Variants in ULK4 observed in about 807,000 individuals in gnomAD.
ULK4 encodes the protein inactive serine/threonine-protein kinase ULK4.
A neutral mutation model predicts 160.6 loss-of-function variants in ULK4; 133 were observed. The observed-to-expected ratio is 0.83, with a 90% CI of 0.72 to 0.96. The LOEUF (loss-of-function observed/expected upper bound fraction) is 0.96. ULK4 is among the 40% of genes least tolerant of loss of function. The pLI, the probability that ULK4 is intolerant of heterozygous loss-of-function variation, is 0.00. For synonymous variants in ULK4, 534 were observed against 539.8 expected (o/e 0.99, Z 0.15); for missense variants, 1,580 against 1,499.5 (o/e 1.05, Z -0.89).
intron 30 of ULK4, among the ~76,000 whole-genome samples, chr3:41,632,239 C>T (rs2033776369): frequency 2.0e-5 from 3 of 152,066 alleles, no homozygotes; most frequent in Non-Finnish European, 2.9e-5. Flanking sequence ...AAGGCAAGTC[C>T]CTAAGAGGAC....
intron 32 of ULK4, among the ~76,000 whole-genome samples, chr3:41,506,751 C>G (rs1383752231): frequency 6.0e-5 from 1 of 16,570 alleles, no homozygotes; most frequent in African/African-American, 1.3e-4. Flanking sequence ...AAGCAATACA[C>G]TGGAGTGTGA....
chr3:41,613,333 A>G (rs1254717661), intron 31 of ULK4, among the ~76,000 whole-genome samples: 1 of 152,194 alleles, frequency 6.6e-6, no homozygotes, highest in Admixed American at 6.5e-5. Context: ...TTATTGAAAG[A>G]GCTCTTTTAG....
chr3:41,397,163 A>G (rs1283093062), intron 35 of ULK4, among the ~76,000 whole-genome samples: 2 of 152,118 alleles, frequency 1.3e-5, no homozygotes, highest in Non-Finnish European at 2.9e-5. Flanking sequence ...CTTCAACACT[A>G]GCTACTGTAA....
At chr3:41,567,830 A>G (rs2087837040) in intron 31 of ULK4, among the ~76,000 whole-genome samples, 1 of 152,156 alleles carries the variant, frequency 6.6e-6, no homozygotes, top group Admixed American at 6.5e-5. Context: ...TGATTTTAAT[A>G]AGCTTTTCTT....
At chr3:41,506,976 G>A (rs1412819324) in intron 32 of ULK4, among the ~76,000 whole-genome samples, 3 of 149,474 alleles carry the variant, frequency 2.0e-5, no homozygotes, top group African/African-American at 7.4e-5. Context: ...ATGAGTTTCT[G>A]TAAAATTTCA....
intron 7 of ULK4, among the ~76,000 whole-genome samples, chr3:41,917,860 A>G (rs1699024058): frequency 6.6e-6 from 1 of 151,970 alleles, no homozygotes; most frequent in South Asian, 2.1e-4. Flanking sequence ...CGTGGTGGGC[A>G]CCTGTAGTCC....
At chr3:41,516,891 T>A (rs990373280) in intron 32 of ULK4, among the ~76,000 whole-genome samples, 4 of 152,194 alleles carry the variant, frequency 2.6e-5, no homozygotes, top group Non-Finnish European at 5.9e-5. Flanking sequence ...CTCCATGTTG[T>A]GCTTATTTCA....
chr3:41,864,228 A>C (rs2042566710), intron 17 of ULK4, among the ~76,000 whole-genome samples: 2 of 152,014 alleles, frequency 1.3e-5, no homozygotes, highest in Admixed American at 1.3e-4. Context: ...CTAACAGGAC[A>C]CCACTGAGTT....
At chr3:41,688,034 C>G (rs2036155986) in intron 27 of ULK4, 1 of 152,304 alleles carries the variant, frequency 6.6e-6, no homozygotes, top group South Asian at 2.1e-4. Flanking sequence ...AAGTTAACAT[C>G]TACTTGCCTT....
At chr3:41,739,450 C>T (rs2038167192) in intron 22 of ULK4, among the ~76,000 whole-genome samples, 1 of 151,866 alleles carries the variant, frequency 6.6e-6, no homozygotes, top group Admixed American at 6.6e-5. Context: ...GAACATCCTC[C>T]CAGTGAGCAG....
intron 35 of ULK4, among the ~76,000 whole-genome samples, chr3:41,309,364 CT>C (rs2080006419): frequency 6.6e-6 from 1 of 152,056 alleles, no homozygotes; most frequent in South Asian, 2.1e-4. Context: ...TCTCCCTATG[CT>C]GCCCAGGCTG....
At chr3:41,475,098 A>T (rs2084099741) in intron 32 of ULK4, among the ~76,000 whole-genome samples, 2 of 152,224 alleles carry the variant, frequency 1.3e-5, no homozygotes, top group African/African-American at 4.8e-5. Context: ...CTAGGTGTCC[A>T]TCAGCAGATA....
At chr3:41,474,734 G>T (rs2084088058) in intron 32 of ULK4, among the ~76,000 whole-genome samples, 1 of 146,680 alleles carries the variant, frequency 6.8e-6, no homozygotes, top group African/African-American at 2.6e-5. Flanking sequence ...ATGGCCACGA[G>T]ATACATGAAA....
At chr3:41,332,997 G>GCATT (rs1315050317) in intron 35 of ULK4, among the ~76,000 whole-genome samples, 2 of 152,158 alleles carry the variant, frequency 1.3e-5, no homozygotes, top group African/African-American at 4.8e-5. Flanking sequence ...TTCCAACAAA[G>GCATT]CATTGCACAG....
intron 35 of ULK4, among the ~76,000 whole-genome samples, chr3:41,384,934 A>G (rs2081767745): frequency 6.6e-6 from 1 of 152,132 alleles, no homozygotes; most frequent in Non-Finnish European, 1.5e-5. Flanking sequence ...GCATGCCTGT[A>G]GTCCCAGCTA....
intron 34 of ULK4, among the ~76,000 whole-genome samples, chr3:41,423,598 G>C (rs781197432): frequency 2.6e-5 from 4 of 152,054 alleles, no homozygotes; most frequent in Non-Finnish European, 2.9e-5. Flanking sequence ...CAAGATGGCC[G>C]AATAGAAACA....
At chr3:41,804,794 G>C (rs2040589259) in intron 19 of ULK4, among the ~76,000 whole-genome samples, 1 of 152,158 alleles carries the variant, frequency 6.6e-6, no homozygotes. Flanking sequence ...GATCGTTGTA[G>C]ATATGTGGCA....
chr3:41,662,867 T>C (rs1451592852), intron 30 of ULK4, among the ~76,000 whole-genome samples: 1 of 151,916 alleles, frequency 6.6e-6, no homozygotes. Context: ...GGCATCATCA[T>C]ATTCAGTACC....
chr3:41,552,625 C>T (rs192453699), intron 32 of ULK4, among the ~76,000 whole-genome samples: 4 of 151,904 alleles, frequency 2.6e-5, no homozygotes, highest in Non-Finnish European at 4.4e-5. Flanking sequence ...ATATCCTATG[C>T]TCATGGGTTA....
Sources: allele counts gnomAD v4.1 joint callset (sites outside exome capture counted in the v4.1 genomes callset), GRCh38; gene constraint gnomAD v4.1.1; transcripts MANE v1.5; gene names NCBI Gene and HGNC (gene_info 2026-07-23, HGNC 2026-07-21).